Variants in EIF3K observed in about 807,000 individuals in gnomAD.
EIF3K encodes eIF-3 p28.
EIF3K carries 27 observed loss-of-function variants against 34.2 expected under a neutral mutation model. That is an observed-to-expected ratio of 0.79 (90% CI 0.58 to 1.09). The LOEUF (loss-of-function observed/expected upper bound fraction) is 1.09, where lower values mean the gene tolerates loss of function less well. Ranked by LOEUF, EIF3K falls within the 50% of genes least tolerant of loss-of-function variation. The pLI, the probability that EIF3K is intolerant of heterozygous loss-of-function variation, is 0.00. For missense variants in EIF3K, 232 were observed against 275.4 expected (o/e 0.84, Z 1.11); for synonymous variants, 105 against 105.7 (o/e 0.99, Z 0.04).
intron 6 of EIF3K, among the ~76,000 whole-genome samples, chr19:38,633,454 T>C (rs913149971): frequency 6.6e-6 from 1 of 151,586 alleles, no homozygotes; most frequent in African/African-American, 2.4e-5. Context: ...ATCCAGCACT[T>C]TGGGAGGCCG....
intron 7 of EIF3K, chr19:38,635,733 GTTCATT>G: frequency 6.6e-6 from 1 of 152,470 alleles, no homozygotes; most frequent in Non-Finnish European, 1.5e-5. Flanking sequence ...TTCATTAAAT[GTTCATT>G]ATGACCATCG....
At chr19:38,632,774 C>T in intron 6 of EIF3K, 96 bp downstream of exon 6, 2 of 1,177,528 alleles carry the variant, frequency 1.7e-6, no homozygotes, top group South Asian at 3.1e-5. Context: ...GTCTGGGTCT[C>T]ATCAGGTCAG....
intron 3 of EIF3K, among the ~76,000 whole-genome samples, chr19:38,625,167 A>T (rs1279144354): frequency 1.3e-5 from 2 of 151,032 alleles, no homozygotes; most frequent in East Asian, 1.9e-4. Flanking sequence ...TATTTTATTT[A>T]TTTTATTTTT....
intron 6 of EIF3K, among the ~76,000 whole-genome samples, chr19:38,634,266 T>TC (rs1976138047): frequency 7.0e-6 from 1 of 142,590 alleles, no homozygotes; most frequent in Admixed American, 7.0e-5. Flanking sequence ...CCAGCTAATT[T>TC]TTTTTTTTTT....
chr19:38,634,956 G>T, intron 6 of EIF3K, 37 bp from the exon 7 acceptor site: 1 of 1,613,232 alleles, frequency 6.2e-7, no homozygotes. Flanking sequence ...GTGGGATCAG[G>T]CTGACTGAAG....
intron 2 of EIF3K, 118 bp from the exon 3 acceptor site, chr19:38,623,959 A>G: frequency 6.6e-7 from 1 of 1,505,712 alleles, no homozygotes; most frequent in African/African-American, 1.4e-5. Flanking sequence ...TGGGACTGGG[A>G]TTGGAACCCA....
Position 38,630,441 on chromosome 19 carries a change from T to G in EIF3K, c.355-1989T>G, listed in dbSNP as rs190775836. Among the ~76,000 whole-genome samples, 25 of 151,254 alleles carry G rather than the reference T, an allele frequency of 1.7e-4. No individual in the cohort carries two copies. The East Asian group carries it at 4.5e-3, about 27-fold the overall frequency. ...CTCACTGCAACCTCTGCCTCCTGGG[T>G]TCAAGTGATTCTTCTGCCTCAGCAT... is the stretch of plus-strand genomic sequence containing the variant. On this transcript the variant is annotated intron_variant, in intron 4 of 7. Coordinates refer to ENST00000248342, the MANE Select transcript of EIF3K (RefSeq NM_013234.4).
chr19:38,635,277 GC>G, intron 7 of EIF3K, 159 bp downstream of exon 7: 2 of 1,047,394 alleles, frequency 1.9e-6, no homozygotes, highest in Non-Finnish European at 2.8e-6. Context: ...TGGGGCTCCC[GC>G]CCAGGAGGAA....
intron 7 of EIF3K, among the ~76,000 whole-genome samples, chr19:38,636,079 C>T (rs557087617): frequency 3.4e-4 from 52 of 152,240 alleles, no homozygotes; most frequent in Non-Finnish European, 6.2e-4. Context: ...CTAAACGCCG[C>T]GTGACTGCTG....
intron 2 of EIF3K, among the ~76,000 whole-genome samples, chr19:38,622,731 C>T (rs1471945160): frequency 1.3e-5 from 2 of 152,208 alleles, no homozygotes; most frequent in East Asian, 3.8e-4. Flanking sequence ...TCTGCAATCT[C>T]GACTATAAGA....
Position 38,632,467 on chromosome 19 carries a change from T to A in EIF3K, c.392T>A (p.Ile131Lys). The A allele has an allele frequency of 6.2e-7, 1 of 1,614,208 alleles. No individual in the cohort carries two copies. The highest frequency in any genetic ancestry group is 2.2e-5 in the East Asian group (1 of 44,894). The change falls in exon 5 of 8, where the codon ATA becomes AAA. Residue 131 changes from isoleucine (I) to lysine (K), a missense_variant. By Grantham distance (102) the Ile-to-Lys change is moderately radical. Coordinates refer to ENST00000248342, the MANE Select transcript of EIF3K (RefSeq NM_013234.4). Reference protein sequence around the residue: ...LDENMDLLEGITGFEDSVRKF... With the variant: ...LDENMDLLEGKTGFEDSVRKF... ...GAAAACATGGACCTCTTGGAAGGTA[T>A]AACTGGCTTTGAAGACTCTGTCCGA...
chr19:38,633,562 G>A (rs1201112811), intron 6 of EIF3K, among the ~76,000 whole-genome samples: 30 of 151,550 alleles, frequency 2.0e-4, no homozygotes, highest in Admixed American at 2.0e-3. Context: ...GCTGGGTGTG[G>A]TGGCGTGCAC....
chr19:38,632,446 A>G lies in EIF3K; in HGVS notation c.371A>G (p.Asn124Ser). Residue 124 changes from asparagine to serine, a missense_variant, in exon 5 of 8, where the codon AAC becomes AGC. Asn to Ser is a conservative substitution (Grantham distance 46). Coordinates refer to ENST00000248342, the MANE Select transcript of EIF3K (RefSeq NM_013234.4). The part of the protein sequence containing the change: ...FQAFWQALDE[N>S]MDLLEGITGF... ...CCATCACAGCAAGCCCTGGATGAAA[A>G]CATGGACCTCTTGGAAGGTATAACT... 6.2e-7 allele frequency: 1 copy of G among 1,614,158 alleles called. No homozygotes were observed. The highest frequency in any genetic ancestry group is 1.1e-5 in the South Asian group (1 of 91,084).
intron 4 of EIF3K, among the ~76,000 whole-genome samples, chr19:38,631,675 A>C (rs2144778547): frequency 6.6e-6 from 1 of 152,098 alleles, no homozygotes; most frequent in East Asian, 1.9e-4. Context: ...CTCAGCACAG[A>C]CCCTTTACGG....
At chr19:38,627,073 G>A (rs1975965282) in intron 4 of EIF3K, among the ~76,000 whole-genome samples, 3 of 152,226 alleles carry the variant, frequency 2.0e-5, no homozygotes, top group South Asian at 4.1e-4. Flanking sequence ...TGCAACTGCC[G>A]CCTCCCGAGT....
chr19:38,622,738 A>G (rs1810868321), intron 2 of EIF3K, among the ~76,000 whole-genome samples: 1 of 152,234 alleles, frequency 6.6e-6, no homozygotes, highest in African/African-American at 2.4e-5. Flanking sequence ...TCTCGACTAT[A>G]AGAGACAGGT....
chr19:38,632,624 A>G lies in EIF3K; in HGVS notation c.445A>G (p.Thr149Ala), dbSNP rs1286662943. ...AGTTATCTGCCATGTTGTGGGTATC[A>G]CTTACCAGCACATTGACCGCTGGCT... is the stretch of plus-strand genomic sequence containing the variant. Reference protein sequence around the residue: ...RKFICHVVGITYQHIDRWLLA... With the variant: ...RKFICHVVGIAYQHIDRWLLA... Residue 149 changes from threonine to alanine, a missense_variant, in exon 6 of 8, where the codon ACT becomes GCT. By Grantham distance (58) the Thr-to-Ala change is moderately conservative. Coordinates refer to ENST00000248342, the MANE Select transcript of EIF3K (RefSeq NM_013234.4). 6 of 1,613,780 alleles carry G rather than the reference A, an allele frequency of 3.7e-6. No individual in the cohort carries two copies. The highest frequency in any genetic ancestry group is 1.7e-5 in the Admixed American group (1 of 59,930).
At chr19:38,625,500 T>G (rs1377775056) in intron 3 of EIF3K, among the ~76,000 whole-genome samples, 4 of 147,726 alleles carry the variant, frequency 2.7e-5, no homozygotes, top group African/African-American at 1.0e-4. Context: ...AATAGTAGGG[T>G]TTTTTTGTTA....
intron 2 of EIF3K, 73 bp downstream of exon 2, chr19:38,620,508 G>A: frequency 7.6e-7 from 1 of 1,315,192 alleles, no homozygotes; most frequent in Non-Finnish European, 1.1e-6. Context: ...ACAGGGCAAG[G>A]GGGTGGCTGG....
Sources: gnomAD v4.1 joint callset for allele counts (sites outside exome capture counted in the v4.1 genomes callset) on GRCh38, gnomAD v4.1.1 for gene constraint, MANE v1.5 for transcripts, NCBI Gene and HGNC (gene_info 2026-07-23, HGNC 2026-07-21) for gene names.